MAU2: variants seen among roughly 807,000 people sequenced by gnomAD.
The protein encoded by MAU2 is MAU2 sister chromatid cohesion factor, also known as MAU2 chromatid cohesion factor homolog.
Under a neutral mutation model 89.1 loss-of-function variants are expected in MAU2, and 9 were observed. The ratio of observed to expected loss-of-function variants is 0.10; its 90% CI spans 0.06 to 0.18. The LOEUF is 0.18. MAU2 is among the 10% of genes least tolerant of loss of function. The pLI is 1.00. For synonymous variants in MAU2, 357 were observed against 343.4 expected (o/e 1.04, Z -0.44); for missense variants, 425 against 803.5 (o/e 0.53, Z 5.69).
intron 1 of MAU2, among the ~76,000 whole-genome samples, chr19:19,333,087 AAAG>A (rs1004350217): frequency 1.3e-5 from 2 of 152,008 alleles, no homozygotes; most frequent in African/African-American, 2.4e-5. Context: ...CAAAAAAAAA[AAAG>A]AAGAGATGTC....
At chr19:19,343,073 T>A (rs2061665642) in intron 9 of MAU2, among the ~76,000 whole-genome samples, 1 of 152,206 alleles carries the variant, frequency 6.6e-6, no homozygotes, top group African/African-American at 2.4e-5. Context: ...GGTACCTCCC[T>A]GACTGGTCAG....
At chr19:19,344,182 C>G in intron 10 of MAU2, 1 of 475,046 alleles carries the variant, frequency 2.1e-6, no homozygotes, top group Non-Finnish European at 3.9e-6. Flanking sequence ...GAGGCCGAGG[C>G]GGGTGGATCA....
At chr19:19,344,723 C>T (rs910290554) in intron 10 of MAU2, 126 bp from the exon 11 acceptor site, 4 of 718,258 alleles carry the variant, frequency 5.6e-6, no homozygotes, top group Non-Finnish European at 4.9e-6. Context: ...TCTGCTGGGG[C>T]TTTGTACCCC....
intron 18 of MAU2, 115 bp downstream of exon 18, chr19:19,355,506 A>G (rs2146715423): frequency 6.8e-7 from 1 of 1,467,972 alleles, no homozygotes; most frequent in Non-Finnish European, 9.2e-7. Context: ...ACTCAGCCTC[A>G]GGTGATCCCT....
chr19:19,355,827 G>A lies in MAU2; in HGVS notation c.*45G>A, dbSNP rs370354072. On this transcript the variant is annotated 3_prime_UTR_variant, in exon 19 of 19. Transcript: ENST00000262815. ...AGCTCCGCAGGGCCTGCGCGTCTCC[G>A]GCTTCCACCCAGACGGCACTCAAGC... The A allele has an allele frequency of 5.4e-5, 84 of 1,552,994 alleles. No homozygotes were observed. The highest frequency in any genetic ancestry group is 7.8e-5 in the South Asian group (7 of 90,128).
intron 16 of MAU2, chr19:19,353,353 G>A (rs1477548039): frequency 1.3e-5 from 2 of 152,340 alleles, no homozygotes; most frequent in South Asian, 2.1e-4. Flanking sequence ...AGGCCTAGCG[G>A]AAGAGAGCAG....
At chr19:19,322,198 C>T (rs533616850) in intron 1 of MAU2, among the ~76,000 whole-genome samples, 1 of 152,280 alleles carries the variant, frequency 6.6e-6, no homozygotes, top group African/African-American at 2.4e-5. Flanking sequence ...TGGGGTTTCA[C>T]CGTGTTAGCC....
At chr19:19,342,952 G>T in intron 9 of MAU2, 86 bp downstream of exon 9, 3 of 1,392,462 alleles carry the variant, frequency 2.2e-6, no homozygotes, top group Non-Finnish European at 3.0e-6. Context: ...AGGGCCCAGT[G>T]ACCCTGTGTG....
Position 19,342,920 on chromosome 19 carries a change from CT to C in MAU2, c.973+55del, listed in dbSNP as rs1298237983. 3.1e-6 allele frequency: 5 copies of C among 1,592,182 alleles called. No individual in the cohort carries two copies. In the African/African-American group the frequency reaches 4.0e-5, roughly 13 times the overall value. On this transcript the variant is annotated intron_variant, in intron 9 of 18. Coordinates refer to ENST00000262815, the MANE Select transcript of MAU2 (RefSeq NM_015329.4). ...GCCACAGCGACCCCTGGCGGACGGC[CT>C]GGCCAGACGCTAGCTGTACCAGGGC...
At position 19,325,985 on chromosome 19, in the gene MAU2, G is replaced by A. The variant is rs888215109; in HGVS notation, c.276+4850G>A. On this transcript the variant is annotated intron_variant, in intron 1 of 18. Transcript: ENST00000262815. ...TATCTGCTTCTGTCAGTTTCTAATGGTCTCCTCAACTGCATTTTTTTTTTT... is the reference window on the plus strand; with the variant it reads ...TATCTGCTTCTGTCAGTTTCTAATGATCTCCTCAACTGCATTTTTTTTTTT... Among the ~76,000 whole-genome samples, 12 of 147,990 alleles carry A rather than the reference G, an allele frequency of 8.1e-5. No homozygotes were observed. The South Asian group carries it at 2.6e-3, about 32-fold the overall frequency.
chr19:19,349,058 T>TG, intron 14 of MAU2, 97 bp from the exon 15 acceptor site: 3 of 1,562,046 alleles, frequency 1.9e-6, no homozygotes, highest in Non-Finnish European at 2.6e-6. Context: ...CAGTCTGCAG[T>TG]GGGGGCTCTC....
In MAU2 at chr19:19,342,787, G is replaced by T; in HGVS notation, c.894G>T (p.Met298Ile). ...MCVLVYLVTV[M>I]HSMQAGYLEK... Reference sequence around the variant, plus strand: ...GGTCTTGTCGCTAGGTGACTGTGATGCACTCCATGCAGGCCGGCTACCTGG... The same window carrying T: ...GGTCTTGTCGCTAGGTGACTGTGATTCACTCCATGCAGGCCGGCTACCTGG... Residue 298 changes from methionine (M) to isoleucine (I), a missense_variant, in exon 9 of 19, where the codon ATG (methionine) becomes ATT (isoleucine). Transcript: ENST00000262815. 6.2e-7 allele frequency: 1 copy of T among 1,614,080 alleles called. No individual in the cohort carries two copies.
At chr19:19,339,966 A>G (rs903611494) in intron 5 of MAU2, among the ~76,000 whole-genome samples, 2 of 151,762 alleles carry the variant, frequency 1.3e-5, no homozygotes, top group Non-Finnish European at 2.9e-5. Flanking sequence ...CAGGAGATCA[A>G]GACCATCCTG....
chr19:19,354,129 G>C, intron 16 of MAU2: 1 of 577,752 alleles, frequency 1.7e-6, no homozygotes, highest in Non-Finnish European at 3.1e-6. Context: ...GCCCCTGTGA[G>C]GGCATGAGCC....
chr19:19,355,027 G>A, intron 17 of MAU2: 1 of 484,066 alleles, frequency 2.1e-6, no homozygotes, highest in East Asian at 3.3e-5. Flanking sequence ...CTGGAGGGCT[G>A]GCGAGAAGCC....
In MAU2 at chr19:19,343,913, G is replaced by A; in HGVS notation, c.1050G>A (p.Thr350=). 3.7e-6 allele frequency: 6 copies of A among 1,613,002 alleles called. No individual in the cohort carries two copies. Among genetic ancestry groups the A allele is most frequent in the Non-Finnish European group, 5.1e-6 (6 of 1,179,988 alleles). ...LEHIIMCRLV[T]GHKATALQEI... ...ACATCATCATGTGCCGCCTTGTCAC[G>A]GGTCACAAGGCCACGGCGCTGCAGG... Residue 350 remains threonine, a synonymous_variant, in exon 10 of 19, where the codon ACG becomes ACA. Transcript: ENST00000262815.
intron 16 of MAU2, chr19:19,353,299 T>A (rs1381656588): frequency 1.3e-5 from 2 of 152,172 alleles, no homozygotes; most frequent in Non-Finnish European, 2.9e-5. Context: ...CAGACAGAGG[T>A]CCTTGGCTTT....
At position 19,332,307 on chromosome 19, in the gene MAU2, G is replaced by A. The variant is rs1348357758; in HGVS notation, c.277-3411G>A. Among the ~76,000 whole-genome samples, 7 of 142,378 alleles carry A rather than the reference G, an allele frequency of 4.9e-5. No individual in the cohort carries two copies. In the Admixed American group the frequency reaches 5.0e-4, roughly 10 times the overall value. 93.4% of individuals were successfully genotyped at this position (142,378 alleles called of 152,430 possible). ...TCCCAAGTAACTGGCATTACAGCAT[G>A]CACCACCATGCCTGGCTGATTTTTT... On this transcript the variant is annotated intron_variant, in intron 1 of 18. Coordinates refer to ENST00000262815, the MANE Select transcript of MAU2 (RefSeq NM_015329.4).
At chr19:19,324,431 C>T (rs1227115505) in intron 1 of MAU2, among the ~76,000 whole-genome samples, 1 of 152,188 alleles carries the variant, frequency 6.6e-6, no homozygotes, top group Non-Finnish European at 1.5e-5. Context: ...GGTGGCCCAG[C>T]ATCTCCAGTG....
Sources: gnomAD v4.1 joint callset for allele counts (sites outside exome capture counted in the v4.1 genomes callset) on GRCh38, gnomAD v4.1.1 for gene constraint, MANE v1.5 for transcripts, NCBI Gene and HGNC (gene_info 2026-07-23, HGNC 2026-07-21) for gene names.